Variants in RINT1 observed in about 807,000 individuals in gnomAD.
The protein encoded by RINT1 is RAD50 interactor 1, also known as RAD50-interacting protein 1.
Under a neutral mutation model 97.7 loss-of-function variants are expected in RINT1, and 75 were observed. The observed-to-expected ratio is 0.77, with a 90% CI of 0.64 to 0.93. The LOEUF (loss-of-function observed/expected upper bound fraction) is 0.93. Among genes scored for constraint, RINT1 ranks in the 40% least tolerant of loss-of-function variants. The pLI is 0.00. For synonymous variants in RINT1, 303 were observed against 326.3 expected (o/e 0.93, Z 0.77); for missense variants, 892 against 925.2 (o/e 0.96, Z 0.47).
chr7:105,556,874 A>C (rs997609730), intron 11 of RINT1, among the ~76,000 whole-genome samples: 2 of 152,220 alleles, frequency 1.3e-5, no homozygotes, highest in Non-Finnish European at 2.9e-5. Context: ...AGCCTTTATA[A>C]CCTTGACATA....
At chr7:105,560,674 A>T (rs1166865350) in intron 11 of RINT1, among the ~76,000 whole-genome samples, 1 of 152,212 alleles carries the variant, frequency 6.6e-6, no homozygotes. Context: ...AAGAAAAGCA[A>T]CTGAAAATTC....
chr7:105,560,638 A>AATT (rs1445630363), intron 11 of RINT1, among the ~76,000 whole-genome samples: 4 of 152,186 alleles, frequency 2.6e-5, no homozygotes, highest in Non-Finnish European at 4.4e-5. Flanking sequence ...TTAAAATTTT[A>AATT]ATTAGTTTTA....
At chr7:105,543,865 C>T (rs903634187) in intron 4 of RINT1, among the ~76,000 whole-genome samples, 5 of 151,100 alleles carry the variant, frequency 3.3e-5, no homozygotes, top group Non-Finnish European at 7.4e-5. Flanking sequence ...CCGAGGCGGG[C>T]AGATCACGAG....
At position 105,548,659 on chromosome 7, in the gene RINT1, G is replaced by C. The variant is rs767554092; in HGVS notation, c.945G>C (p.Lys315Asn). Reference sequence around the variant, plus strand: ...AGGTTATGCTGACTCCTCTTCAGAAGAGGTTCAGGTATCACTTCAGAGGGA... The same window carrying C: ...AGGTTATGCTGACTCCTCTTCAGAACAGGTTCAGGTATCACTTCAGAGGGA... Reference protein sequence around the residue: ...PIQVMLTPLQKRFRYHFRGNR... With the variant: ...PIQVMLTPLQNRFRYHFRGNR... Residue 315 changes from lysine (K) to asparagine (N), a missense_variant, in exon 7 of 15, where the codon AAG (lysine) becomes AAC (asparagine). Coordinates refer to ENST00000257700, the MANE Select transcript of RINT1 (RefSeq NM_021930.6). 4.3e-6 allele frequency: 7 copies of C among 1,614,184 alleles called. No homozygotes were observed. In the East Asian group the frequency reaches 1.6e-4, roughly 36 times the overall value.
chr7:105,540,103 G>A (rs1211753933), intron 3 of RINT1, among the ~76,000 whole-genome samples: 2 of 147,070 alleles, frequency 1.4e-5, no homozygotes, highest in African/African-American at 5.0e-5. Flanking sequence ...TTTTGAGATG[G>A]AGTCTTCCTC....
At chr7:105,548,814 G>GT (rs1385470410) in intron 7 of RINT1, 104 bp downstream of exon 7, 203 of 1,116,720 alleles carry the variant, frequency 1.8e-4, no homozygotes, top group Non-Finnish European at 2.1e-4. Flanking sequence ...TCACATTTCT[G>GT]TTTTTTTTCT....
At chr7:105,562,431 G>GAGAT (rs985411479) in intron 11 of RINT1, among the ~76,000 whole-genome samples, 1 of 152,036 alleles carries the variant, frequency 6.6e-6, no homozygotes, top group Non-Finnish European at 1.5e-5. Flanking sequence ...TTTTTTTCTA[G>GAGAT]AGATAAGGTC....
At chr7:105,547,882 T>C (rs1201073865) in intron 6 of RINT1, among the ~76,000 whole-genome samples, 6 of 151,826 alleles carry the variant, frequency 4.0e-5, no homozygotes, top group African/African-American at 1.4e-4. Context: ...CGTGCACCAC[T>C]ATGCCCAGCT....
At chr7:105,538,436 G>T (rs899119428) in intron 3 of RINT1, among the ~76,000 whole-genome samples, 3 of 152,138 alleles carry the variant, frequency 2.0e-5, no homozygotes, top group African/African-American at 7.2e-5. Context: ...CACAACTACT[G>T]CTAGTCTTCA....
intron 6 of RINT1, among the ~76,000 whole-genome samples, chr7:105,547,956 A>C (rs1002927334): frequency 6.6e-6 from 1 of 151,218 alleles, no homozygotes; most frequent in Non-Finnish European, 1.5e-5. Context: ...CGAACTCCTG[A>C]CCTCAGGTGA....
At position 105,555,009 on chromosome 7, in the gene RINT1, TTAA is replaced by T. The variant is rs1388767305; in HGVS notation, c.1472-15_1472-13del. The stretch of plus-strand genomic sequence containing the variant: ...GATGGTACCAAAACCTTCATATGTC[TTAA>T]TAACTTTTTCCACAGACAGGTATAA... On this transcript the variant is annotated splice_polypyrimidine_tract_variant and intron_variant, in intron 10 of 14. Transcript: ENST00000257700. 3.7e-6 allele frequency: 6 copies of T among 1,605,876 alleles called. No homozygotes were observed. The highest frequency in any genetic ancestry group is 1.1e-5 in the South Asian group (1 of 90,734).
rs148889449 is a variant in RINT1, at chr7:105,561,804, C to A, written c.1672-1929C>A. Among the ~76,000 whole-genome samples, 1,216 of 152,124 alleles carry A rather than the reference C, an allele frequency of 8.0e-3. 8 individuals are homozygous for A. The highest frequency in any genetic ancestry group is 0.012 in the Non-Finnish European group (785 of 67,998). On this transcript the variant is annotated intron_variant, in intron 11 of 14. Coordinates refer to ENST00000257700, the MANE Select transcript of RINT1 (RefSeq NM_021930.6). ...CTCAAACTCCTGACCTCAGGTGATC[C>A]ACCTGCGTCAGCCTCCCAAAGTGCT...
chr7:105,558,933 C>T (rs1791305707), intron 11 of RINT1, among the ~76,000 whole-genome samples: 1 of 152,190 alleles, frequency 6.6e-6, no homozygotes, highest in Non-Finnish European at 1.5e-5. Flanking sequence ...GCACTCCAGC[C>T]TGGGCAACTC....
chr7:105,538,181 C>T (rs1168701894), intron 3 of RINT1, among the ~76,000 whole-genome samples: 3 of 151,954 alleles, frequency 2.0e-5, no homozygotes, highest in African/African-American at 7.2e-5. Context: ...TTAGTAGAGA[C>T]AGGGTTTCAC....
chr7:105,562,361 C>G (rs1265980847), intron 11 of RINT1, among the ~76,000 whole-genome samples: 2 of 152,120 alleles, frequency 1.3e-5, no homozygotes, highest in Non-Finnish European at 2.9e-5. Flanking sequence ...AGCAGTCTTC[C>G]CATCTCAGCC....
At chr7:105,567,009 A>G in intron 14 of RINT1, 110 bp from the exon 15 acceptor site, 1 of 547,090 alleles carries the variant, frequency 1.8e-6, no homozygotes, top group Non-Finnish European at 3.0e-6. Context: ...ATTTTTATAG[A>G]GAACATGTGG....
chr7:105,544,086 G>A (rs1790564755), intron 4 of RINT1, among the ~76,000 whole-genome samples: 1 of 151,634 alleles, frequency 6.6e-6, no homozygotes, highest in Admixed American at 6.6e-5. Flanking sequence ...GGCAGCAAGA[G>A]CGAAACTCCG....
intron 12 of RINT1, 94 bp from the exon 13 acceptor site, chr7:105,565,183 C>T: frequency 3.6e-6 from 4 of 1,123,828 alleles, no homozygotes; most frequent in African/African-American, 3.1e-5. Flanking sequence ...CCAAAATGCC[C>T]TAGGACAGAA....
At chr7:105,547,718 C>CTTTT (rs34938925) in intron 6 of RINT1, among the ~76,000 whole-genome samples, 12 of 116,160 alleles carry the variant, frequency 1.0e-4, no homozygotes, top group South Asian at 5.7e-4. Context: ...CATTTTTGTG[C>CTTTT]TTTTTTTTTT....
Sources: gnomAD v4.1 joint callset for allele counts (sites outside exome capture counted in the v4.1 genomes callset) on GRCh38, gnomAD v4.1.1 for gene constraint, MANE v1.5 for transcripts, NCBI Gene and HGNC (gene_info 2026-07-23, HGNC 2026-07-21) for gene names.